Variants in ICAM2 observed in about 807,000 individuals in gnomAD.
ICAM2 encodes ICAM-2.
Under a neutral mutation model 19.1 loss-of-function variants are expected in ICAM2, and 14 were observed. The ratio of observed to expected loss-of-function variants is 0.73; its 90% CI spans 0.48 to 1.15. The LOEUF (loss-of-function observed/expected upper bound fraction) is 1.15, where lower values mean the gene tolerates loss of function less well. Among genes scored for constraint, ICAM2 ranks in the 50% most tolerant of loss-of-function variants. The pLI is 0.00. For synonymous variants in ICAM2, 153 were observed against 152.7 expected, an observed-to-expected ratio of 1.00 and a Z score of -0.01; for missense variants, 311 against 355.4, an observed-to-expected ratio of 0.88 and a Z score of 1.00.
At position 64,005,340 on chromosome 17, in the gene ICAM2, C is replaced by T. The variant is rs754428044; in HGVS notation, c.95G>A (p.Arg32Lys). The change falls in exon 3 of 5, where the codon AGG (arginine) becomes AAG (lysine). Residue 32 changes from arginine (R) to lysine (K), a missense_variant. Arg to Lys is a conservative substitution (Grantham distance 26). Transcript: ENST00000579788. ...GGGCTCAACCGCCAGCTTCTTTGGC[C>T]TCACGTGTACCTCGAATACCTTCTC... Reference protein sequence around the residue: ...SDEKVFEVHVRPKKLAVEPKG... With the variant: ...SDEKVFEVHVKPKKLAVEPKG... 3.1e-6 allele frequency: 5 copies of T among 1,614,064 alleles called. No individual in the cohort carries two copies. In the Admixed American group the frequency reaches 6.7e-5, roughly 22 times the overall value.
chr17:64,017,017 G>T (rs1348704722), intron 1 of ICAM2, among the ~76,000 whole-genome samples: 1 of 152,196 alleles, frequency 6.6e-6, no homozygotes, highest in Non-Finnish European at 1.5e-5. Context: ...AAACTTCTAT[G>T]TTGTTTTTAA....
intron 1 of ICAM2, among the ~76,000 whole-genome samples, chr17:64,019,840 A>G (rs1261451645): frequency 2.3e-5 from 3 of 132,100 alleles, no homozygotes; most frequent in Non-Finnish European, 5.0e-5. Context: ...AAAAAAAAAA[A>G]GCAGATAAGT....
chr17:64,012,526 G>A (rs1911496872), intron 1 of ICAM2, among the ~76,000 whole-genome samples: 2 of 152,170 alleles, frequency 1.3e-5, no homozygotes, highest in South Asian at 4.1e-4. Context: ...CTTGAACCCG[G>A]GAGGTGGAGG....
intron 1 of ICAM2, among the ~76,000 whole-genome samples, chr17:64,014,703 AAGGAAGGAAGG>A (rs1911635796): frequency 1.0e-3 from 23 of 22,918 alleles, no homozygotes; most frequent in Admixed American, 2.1e-3. Flanking sequence ...GGAAGGAAGG[AAGGAAGGAAGG>A]AAGGAAGGAA....
chr17:64,016,033 A>G (rs1363248826), intron 1 of ICAM2, among the ~76,000 whole-genome samples: 2 of 152,176 alleles, frequency 1.3e-5, no homozygotes, highest in Admixed American at 1.3e-4. Flanking sequence ...TCTCTCTGAG[A>G]ATGGAAAAAA....
intron 4 of ICAM2, 126 bp from the exon 5 acceptor site, chr17:64,003,051 T>C: frequency 1.4e-6 from 1 of 718,136 alleles, no homozygotes; most frequent in Non-Finnish European, 2.3e-6. Flanking sequence ...CATCCAGCAG[T>C]CACCCCAGTT....
chr17:64,018,400 A>C (rs1404644891), intron 1 of ICAM2, among the ~76,000 whole-genome samples: 4 of 151,406 alleles, frequency 2.6e-5, no homozygotes, highest in African/African-American at 9.7e-5. Context: ...ATGTCTAAAC[A>C]AGTGAAAAGA....
chr17:64,004,951 C>G, intron 3 of ICAM2, 156 bp downstream of exon 3: 1 of 812,030 alleles, frequency 1.2e-6, no homozygotes. Context: ...CAACCAAGGG[C>G]TGGCCTGGTC....
At position 64,018,530 on chromosome 17, in the gene ICAM2, C is replaced by T. The variant is rs193122216; in HGVS notation, c.-45+1993G>A. The stretch of plus-strand genomic sequence containing the variant: ...TGACAAGACCAATTGTTGGAGAGGC[C>T]GTAGGTTAATAGGCACCCTTCTAAC... On this transcript the variant is annotated intron_variant, in intron 1 of 4. Transcript: ENST00000579788. Among the ~76,000 whole-genome samples the T allele has an allele frequency of 2.7e-4, 41 of 151,648 alleles. No individual in the cohort carries two copies. In the East Asian group the frequency reaches 6.6e-3, roughly 24 times the overall value.
intron 1 of ICAM2, among the ~76,000 whole-genome samples, chr17:64,016,579 G>A (rs1567850494): frequency 6.6e-6 from 1 of 152,226 alleles, no homozygotes; most frequent in East Asian, 1.9e-4. Context: ...AGGAGCCAGT[G>A]GATATACTTT....
At chr17:64,020,433 G>C (rs868077174) in intron 1 of ICAM2, 90 bp downstream of exon 1, 2 of 152,430 alleles carry the variant, frequency 1.3e-5, no homozygotes, top group African/African-American at 4.8e-5. Context: ...CCAGAGAGGG[G>C]AACGGACTAA....
In ICAM2 at chr17:64,004,109, G is replaced by T. The variant is rs979510197; in HGVS notation, c.329-145C>A. 9 of 628,534 alleles carry T rather than the reference G, an allele frequency of 1.4e-5. No individual in the cohort carries two copies. In the Admixed American group the frequency reaches 2.6e-4, roughly 18 times the overall value. 38.9% of individuals were successfully genotyped at this position (628,534 alleles called of 1,614,324 possible). On this transcript the variant is annotated intron_variant, in intron 3 of 4. Coordinates refer to ENST00000579788, the MANE Select transcript of ICAM2 (RefSeq NM_001099789.2). ...GCCGGCTCCAGTGCAGAGAGGAAGAGGGCAGCAGTTGAGGATGGAGGCTGG... is the reference window on the plus strand; with the variant it reads ...GCCGGCTCCAGTGCAGAGAGGAAGATGGCAGCAGTTGAGGATGGAGGCTGG...
intron 1 of ICAM2, among the ~76,000 whole-genome samples, chr17:64,018,113 C>T (rs866645407): frequency 6.6e-6 from 1 of 152,012 alleles, no homozygotes; most frequent in African/African-American, 2.4e-5. Context: ...GCGGGCTGAT[C>T]ACGCGGTCAG....
chr17:64,003,548 G>C, intron 4 of ICAM2, 96 bp downstream of exon 4: 3 of 1,104,460 alleles, frequency 2.7e-6, no homozygotes, highest in Admixed American at 2.0e-5. Flanking sequence ...TGGGCTCCTG[G>C]GTGTTTGCTT....
At position 64,005,390 on chromosome 17, in the gene ICAM2, A is replaced by G; in HGVS notation, c.62-17T>C. 6.2e-7 allele frequency: 1 copy of G among 1,608,878 alleles called. No homozygotes were observed. The highest frequency in any genetic ancestry group is 8.5e-7 in the Non-Finnish European group (1 of 1,176,700). Reference sequence around the variant, plus strand: ...CATCCGATCCTGGAAAACCAGAAACACTGGGCAGTCGTGTCATCCCCCCAC... The same window carrying G: ...CATCCGATCCTGGAAAACCAGAAACGCTGGGCAGTCGTGTCATCCCCCCAC... On this transcript the variant is annotated splice_polypyrimidine_tract_variant and intron_variant, in intron 2 of 4. Transcript: ENST00000579788.
At chr17:64,007,057 A>C in intron 1 of ICAM2, 3 of 225,864 alleles carry the variant, frequency 1.3e-5, no homozygotes, top group Non-Finnish European at 2.6e-5. Flanking sequence ...CCCAAATCCC[A>C]TGGGATGCAT....
At chr17:64,008,694 G>A (rs1911320183) in intron 1 of ICAM2, among the ~76,000 whole-genome samples, 1 of 152,214 alleles carries the variant, frequency 6.6e-6, no homozygotes, top group South Asian at 2.1e-4. Context: ...GGATTGTTAG[G>A]AGCCTGGTTC....
intron 2 of ICAM2, chr17:64,006,309 G>A: frequency 4.0e-6 from 1 of 252,274 alleles, no homozygotes; most frequent in Non-Finnish European, 7.6e-6. Context: ...CTTGAGTCCA[G>A]GAGTTCGAGA....
chr17:64,006,197 T>C (rs1911199024), intron 2 of ICAM2: 1 of 162,086 alleles, frequency 6.2e-6, no homozygotes, highest in South Asian at 1.7e-4. Context: ...AACAGGAACC[T>C]GCCTATAATA....
Sources: gnomAD v4.1 joint callset for allele counts (sites outside exome capture counted in the v4.1 genomes callset) on GRCh38, gnomAD v4.1.1 for gene constraint, MANE v1.5 for transcripts, NCBI Gene and HGNC (gene_info 2026-07-23, HGNC 2026-07-21) for gene names.